Variants in GALNT6 observed in about 807,000 individuals in gnomAD.
GALNT6 encodes GalNAc transferase 6.
A neutral mutation model predicts 65.9 loss-of-function variants in GALNT6; 51 were observed. The ratio of observed to expected loss-of-function variants is 0.77; its 90% CI spans 0.62 to 0.98. GALNT6 has a LOEUF of 0.98. Among genes scored for constraint, GALNT6 ranks in the 50% least tolerant of loss-of-function variants. The pLI is 0.00. For missense variants in GALNT6, 708 were observed against 803.3 expected (o/e 0.88, Z 1.43); for synonymous variants, 323 against 315.1 (o/e 1.02, Z -0.26).
chr12:51,365,330 A>G (rs2137608648), intron 5 of GALNT6, 100 bp downstream of exon 5: 4 of 1,157,976 alleles, frequency 3.5e-6, no homozygotes, highest in Non-Finnish European at 4.8e-6. Context: ...CACTCCCGGA[A>G]GAGAGAACAG....
Position 51,377,271 on chromosome 12 carries a change from T to C in GALNT6, c.588A>G (p.Thr196=). 1 of 1,613,810 alleles carries C rather than the reference T, an allele frequency of 6.2e-7. No homozygotes were observed. Among genetic ancestry groups the C allele is most frequent in the Non-Finnish European group, 8.5e-7 (1 of 1,180,022 alleles). The change falls in exon 4 of 12, where the codon ACA becomes ACG. Residue 196 remains threonine (T), a synonymous_variant. Transcript: ENST00000356317. ...HNEAWSTLLR[T]VYSVLHTTPA... ...GGGTGGTGTGTAGGACGCTGTACAC[T>C]GTTCGCAGCAGTGTGGACCAGGCTT... is the stretch of plus-strand genomic sequence containing the variant.
At position 51,377,288 on chromosome 12, in the gene GALNT6, A is replaced by G; in HGVS notation, c.571T>C (p.Ser191Pro). 1 of 1,613,692 alleles carries G rather than the reference A, an allele frequency of 6.2e-7. No homozygotes were observed. Among genetic ancestry groups the G allele is most frequent in the Non-Finnish European group, 8.5e-7 (1 of 1,180,016 alleles). ...CTGTACACTGTTCGCAGCAGTGTGG[A>G]CCAGGCTTCGTTGTGGAACACAATG... is the stretch of plus-strand genomic sequence containing the variant. ...VIIVFHNEAW[S>P]TLLRTVYSVL... Residue 191 changes from serine to proline, a missense_variant, in exon 4 of 12, where the codon TCC becomes CCC. Physicochemically the swap from Ser to Pro is moderately conservative, Grantham distance 74. Transcript: ENST00000356317.
At chr12:51,390,653 G>A (rs1948044074) in intron 2 of GALNT6, among the ~76,000 whole-genome samples, 197 bp downstream of exon 2, 1 of 152,188 alleles carries the variant, frequency 6.6e-6, no homozygotes, top group African/African-American at 2.4e-5. Context: ...GAGGCTCTTT[G>A]GTGTGTCCAG....
chr12:51,360,565 G>A (rs926455347), intron 7 of GALNT6, among the ~76,000 whole-genome samples, 156 bp downstream of exon 7: 3 of 152,206 alleles, frequency 2.0e-5, no homozygotes, highest in African/African-American at 7.2e-5. Flanking sequence ...CATGGACAGG[G>A]GGAGCAGAAA....
At chr12:51,376,548 G>A (rs1260898677) in intron 4 of GALNT6, among the ~76,000 whole-genome samples, 3 of 150,454 alleles carry the variant, frequency 2.0e-5, no homozygotes, top group African/African-American at 4.9e-5. Context: ...CAGGAGAATC[G>A]CTTGAACCTG....
intron 2 of GALNT6, among the ~76,000 whole-genome samples, chr12:51,381,861 C>T (rs1465867920): frequency 6.6e-6 from 1 of 152,276 alleles, no homozygotes; most frequent in African/African-American, 2.4e-5. Flanking sequence ...CAGTTATCCT[C>T]AAGCACCTGG....
intron 2 of GALNT6, among the ~76,000 whole-genome samples, chr12:51,383,822 A>T (rs567306786): frequency 6.6e-6 from 1 of 152,236 alleles, no homozygotes; most frequent in South Asian, 2.1e-4. Context: ...AATCTAGTGC[A>T]AGCCACAGGA....
rs1177251008 is a variant in GALNT6 at position 51,352,048 on chromosome 12, C to T, written c.*2331G>A. 2 of 152,282 alleles carry T rather than the reference C, an allele frequency of 1.3e-5. No individual in the cohort carries two copies. The highest frequency in any genetic ancestry group is 2.4e-5 in the African/African-American group (1 of 41,450). 9.4% of individuals were successfully genotyped at this position (152,282 alleles called of 1,614,324 possible). ...AGGCTCTCAGGGATGTAGGCGGCCT[C>T]CCGCAGGGTTGAGTTGCAATGGGAA... is the stretch of plus-strand genomic sequence containing the variant. On this transcript the variant is annotated 3_prime_UTR_variant, in exon 12 of 12. Coordinates refer to ENST00000356317, the MANE Select transcript of GALNT6 (RefSeq NM_007210.4).
chr12:51,389,911 T>C (rs932778474), intron 2 of GALNT6, among the ~76,000 whole-genome samples: 1 of 152,190 alleles, frequency 6.6e-6, no homozygotes, highest in African/African-American at 2.4e-5. Flanking sequence ...ACTGTAGGAC[T>C]GTGGGCAGCA....
Position 51,357,454 on chromosome 12 carries a change from C to T in GALNT6, c.1501-4G>A, listed in dbSNP as rs778108142. 12 of 1,607,718 alleles carry T rather than the reference C, an allele frequency of 7.5e-6. No homozygotes were observed. Among genetic ancestry groups the T allele is most frequent in the Middle Eastern group, 1.7e-4 (1 of 6,056 alleles). ...GGTTGGTGCCGAGGTTCTTGATCTG[C>T]AGAAGGGTGAGCAGAGAGGGGAAGC... On this transcript the variant is annotated splice_region_variant and splice_polypyrimidine_tract_variant and intron_variant, in intron 9 of 11. Coordinates refer to ENST00000356317, the MANE Select transcript of GALNT6 (RefSeq NM_007210.4).
At chr12:51,363,573 G>T (rs1249501604) in intron 6 of GALNT6, among the ~76,000 whole-genome samples, 1 of 152,234 alleles carries the variant, frequency 6.6e-6, no homozygotes, top group East Asian at 1.9e-4. Context: ...CTTCACCAAA[G>T]AAGTTCAGGG....
chr12:51,369,193 G>A (rs1352005186), intron 4 of GALNT6, among the ~76,000 whole-genome samples: 2 of 152,196 alleles, frequency 1.3e-5, no homozygotes, highest in Non-Finnish European at 2.9e-5. Context: ...GCACTGAGCT[G>A]TGAACCTCAG....
At chr12:51,356,559 T>C (rs1331836368) in intron 10 of GALNT6, among the ~76,000 whole-genome samples, 2 of 151,552 alleles carry the variant, frequency 1.3e-5, no homozygotes, top group Non-Finnish European at 2.9e-5. Flanking sequence ...ATGGGGTGTC[T>C]TGCTATGTTG....
chr12:51,359,114 A>G lies in GALNT6; in HGVS notation c.1368+18T>C, dbSNP rs753272760. On this transcript the variant is annotated intron_variant, in intron 8 of 11. Transcript: ENST00000356317. Reference sequence around the variant, plus strand: ...ACTTCTCTTCATCTAAACCTCTCCGAGAACCATTTCCTCTCACCTCTTGGG... The same window carrying G: ...ACTTCTCTTCATCTAAACCTCTCCGGGAACCATTTCCTCTCACCTCTTGGG... 1.9e-6 allele frequency: 3 copies of G among 1,603,768 alleles called. No individual in the cohort carries two copies. Among genetic ancestry groups the G allele is most frequent in the Non-Finnish European group, 2.6e-6 (3 of 1,170,692 alleles).
chr12:51,377,243 C>A lies in GALNT6; in HGVS notation c.616G>T (p.Ala206Ser), dbSNP rs775773883. The stretch of plus-strand genomic sequence containing the variant: ...AGTATGATCTCCTTGAGCAAGATGG[C>A]AGGGGTGGTGTGTAGGACGCTGTAC... ...TVYSVLHTTP[A>S]ILLKEIILVD... The change falls in exon 4 of 12, where the codon GCC becomes TCC. Residue 206 changes from alanine (A) to serine (S), a missense_variant. Coordinates refer to ENST00000356317, the MANE Select transcript of GALNT6 (RefSeq NM_007210.4). 6.2e-7 allele frequency: 1 copy of A among 1,613,926 alleles called. No homozygotes were observed. The highest frequency in any genetic ancestry group is 8.5e-7 in the Non-Finnish European group (1 of 1,180,020).
At chr12:51,375,848 C>G (rs1293059005) in intron 4 of GALNT6, among the ~76,000 whole-genome samples, 1 of 151,926 alleles carries the variant, frequency 6.6e-6, no homozygotes, top group Admixed American at 6.6e-5. Context: ...TGAGCCACCA[C>G]GCCCAGTCCT....
At chr12:51,384,209 C>T (rs2137796097) in intron 2 of GALNT6, among the ~76,000 whole-genome samples, 1 of 152,302 alleles carries the variant, frequency 6.6e-6, no homozygotes, top group Admixed American at 6.5e-5. Context: ...GAAAAGCCTG[C>T]CTAGATTGAA....
intron 5 of GALNT6, 83 bp downstream of exon 5, chr12:51,365,347 G>T: frequency 7.5e-7 from 1 of 1,326,522 alleles, no homozygotes; most frequent in Non-Finnish European, 1.0e-6. Flanking sequence ...ACAGGAAGGG[G>T]CCTTGGGGAG....
Position 51,358,991 on chromosome 12 carries a change from C to G in GALNT6, c.1368+141G>C. 3 of 696,354 alleles carry G rather than the reference C, an allele frequency of 4.3e-6. No individual in the cohort carries two copies. In the South Asian group the frequency reaches 5.1e-5, roughly 12 times the overall value. The allele number at this position is 696,354 out of a possible 1,614,324, so 43.1% of individuals were successfully genotyped here. A position where few individuals can be genotyped will look rare whatever the true frequency, so the allele number is the denominator to read the frequency against. ...ATGTGCCTTGTGGCCTTCTCCTGGG[C>G]TCTAGCTCACAGGTCCCTGAGGGTG... On this transcript the variant is annotated intron_variant, in intron 8 of 11. Coordinates refer to ENST00000356317, the MANE Select transcript of GALNT6 (RefSeq NM_007210.4).
Sources: allele counts gnomAD v4.1 joint callset (sites outside exome capture counted in the v4.1 genomes callset), GRCh38; gene constraint gnomAD v4.1.1; transcripts MANE v1.5; gene names NCBI Gene and HGNC (gene_info 2026-07-23, HGNC 2026-07-21).